Variants in MEF2A observed in about 807,000 individuals in gnomAD.
The protein encoded by MEF2A is myocyte enhancer factor 2A, also known as myocyte-specific enhancer factor 2A.
Under a neutral mutation model 55.8 loss-of-function variants are expected in MEF2A, and 28 were observed. The observed-to-expected ratio is 0.50, with a 90% CI of 0.37 to 0.69. The LOEUF is 0.69. Ranked by LOEUF, MEF2A falls within the 30% of genes least tolerant of loss-of-function variation. MEF2A has a pLI of 0.00. For missense variants in MEF2A, 528 were observed against 626.2 expected (o/e 0.84, Z 1.67); for synonymous variants, 239 against 227.1 (o/e 1.05, Z -0.47).
At chr15:99,702,111 C>G (rs564770176) in intron 8 of MEF2A, among the ~76,000 whole-genome samples, 3 of 152,298 alleles carry the variant, frequency 2.0e-5, no homozygotes, top group South Asian at 2.1e-4. Context: ...TTGGTGTGTA[C>G]CTTGTGTTTG....
chr15:99,706,891 G>A (rs929035957), intron 10 of MEF2A, 36 bp downstream of exon 10: 20 of 1,594,386 alleles, frequency 1.3e-5, no homozygotes, highest in Non-Finnish European at 1.5e-5. Context: ...AGGTTTTACC[G>A]CTCTCTGTTT....
In MEF2A at chr15:99,712,292, T is replaced by C; in HGVS notation, c.1137-98T>C. The C allele has an allele frequency of 6.9e-7, 1 of 1,439,324 alleles. No individual in the cohort carries two copies. Among genetic ancestry groups the C allele is most frequent in the Non-Finnish European group, 9.1e-7 (1 of 1,098,498 alleles). The allele number at this position is 1,439,324 out of a possible 1,614,324, so 89.2% of individuals were successfully genotyped here. On this transcript the variant is annotated intron_variant, in intron 11 of 11. Coordinates refer to ENST00000557942, the MANE Select transcript of MEF2A (RefSeq NM_001319206.4). This position sits in a 1 kb window ranked among gnomAD's most constrained non-coding sequence, Gnocchi z 4.1. ...GGGGAACTCTGATAAGATTTCAGAC[T>C]CTGGGCCCTTTTCCATCAGGCAGTG...
chr15:99,681,929 C>T (rs1364319085), intron 7 of MEF2A: 2 of 152,164 alleles, frequency 1.3e-5, no homozygotes, highest in Non-Finnish European at 1.5e-5. Flanking sequence ...GTACAAATGA[C>T]ATAATTTTAT....
At chr15:99,670,549 G>A (rs1282940276) in intron 4 of MEF2A, among the ~76,000 whole-genome samples, 2 of 152,112 alleles carry the variant, frequency 1.3e-5, no homozygotes, top group Non-Finnish European at 2.9e-5. Flanking sequence ...GGCGGAGCTT[G>A]CAGTGAGCCA....
At chr15:99,710,471 G>T (rs62042273) in intron 10 of MEF2A, among the ~76,000 whole-genome samples, 163 bp from the exon 11 acceptor site, 1 of 152,192 alleles carries the variant, frequency 6.6e-6, no homozygotes, top group Non-Finnish European at 1.5e-5. Context: ...TCAAACTCCT[G>T]ACCTCAAGTG....
chr15:99,627,328 G>A (rs1476397209), intron 2 of MEF2A, among the ~76,000 whole-genome samples: 1 of 144,516 alleles, frequency 6.9e-6, no homozygotes, highest in Non-Finnish European at 1.5e-5. Flanking sequence ...GCTGAGGCAG[G>A]AGAATCACTT....
At chr15:99,677,694 CA>C (rs1331041118) in intron 7 of MEF2A, among the ~76,000 whole-genome samples, 1 of 152,042 alleles carries the variant, frequency 6.6e-6, no homozygotes, top group Non-Finnish European at 1.5e-5. Context: ...CTAACAACAA[CA>C]AAAAAGCCAC....
At chr15:99,675,570 C>G (rs1365472497) in intron 7 of MEF2A, 112 bp downstream of exon 7, 6 of 835,952 alleles carry the variant, frequency 7.2e-6, no homozygotes, top group East Asian at 5.0e-5. Flanking sequence ...AGGGTACTTT[C>G]ACTAATACAT....
At chr15:99,695,859 CAAAA>C (rs55908002) in intron 8 of MEF2A, among the ~76,000 whole-genome samples, 4 of 135,304 alleles carry the variant, frequency 3.0e-5, no homozygotes, top group Non-Finnish European at 1.5e-5. Flanking sequence ...AACTCCGTCT[CAAAA>C]AAAAAAAAAA....
chr15:99,694,917 G>C (rs530027964), intron 8 of MEF2A, among the ~76,000 whole-genome samples: 174 of 150,984 alleles, frequency 1.2e-3, no homozygotes, highest in African/African-American at 4.1e-3. Flanking sequence ...CTTTGTTCTA[G>C]CTTCAGCTTT....
At chr15:99,678,421 C>T (rs1597092443) in intron 7 of MEF2A, among the ~76,000 whole-genome samples, 5 of 152,118 alleles carry the variant, frequency 3.3e-5, no homozygotes, top group South Asian at 4.1e-4. Flanking sequence ...GTTTTAAATA[C>T]GTTTTATCTG....
intron 3 of MEF2A, among the ~76,000 whole-genome samples, chr15:99,635,929 G>A (rs1393517091): frequency 6.6e-6 from 1 of 152,152 alleles, no homozygotes; most frequent in Non-Finnish European, 1.5e-5. Flanking sequence ...TGGGTAAATA[G>A]GAGTGCGGTT....
intron 2 of MEF2A, among the ~76,000 whole-genome samples, chr15:99,622,378 A>G (rs917548266): frequency 2.0e-5 from 3 of 152,250 alleles, no homozygotes; most frequent in African/African-American, 7.2e-5. Flanking sequence ...GGTAGATTTT[A>G]AATGTTGCCA....
chr15:99,679,497 C>T (rs1381868507), intron 7 of MEF2A, among the ~76,000 whole-genome samples: 1 of 152,094 alleles, frequency 6.6e-6, no homozygotes, highest in African/African-American at 2.4e-5. Context: ...GTTTGAAAAG[C>T]AGGCCAAAAA....
intron 1 of MEF2A, among the ~76,000 whole-genome samples, chr15:99,571,568 G>A (rs1053719462): frequency 6.6e-6 from 1 of 152,076 alleles, no homozygotes; most frequent in African/African-American, 2.4e-5. Flanking sequence ...AGCTATTAGC[G>A]CTAATCTGAA....
At chr15:99,569,390 A>G (rs1390255425) in intron 1 of MEF2A, among the ~76,000 whole-genome samples, 1 of 152,230 alleles carries the variant, frequency 6.6e-6, no homozygotes, top group Non-Finnish European at 1.5e-5. Context: ...TTTGTGACCA[A>G]AAGGATTTCG....
chr15:99,592,139 T>G (rs931273752), intron 1 of MEF2A, among the ~76,000 whole-genome samples: 1 of 152,132 alleles, frequency 6.6e-6, no homozygotes, highest in Admixed American at 6.6e-5. Flanking sequence ...TTGAGCTTGC[T>G]TTTACACTTT....
chr15:99,605,985 A>G (rs1433752970), intron 2 of MEF2A, among the ~76,000 whole-genome samples: 2 of 152,206 alleles, frequency 1.3e-5, no homozygotes, highest in African/African-American at 2.4e-5. Context: ...AGTAGTCTTG[A>G]AAGAAGATCA....
At chr15:99,585,305 CT>C (rs1966865489) in intron 1 of MEF2A, among the ~76,000 whole-genome samples, 1 of 152,050 alleles carries the variant, frequency 6.6e-6, no homozygotes, top group African/African-American at 2.4e-5. Context: ...TGTCATTTTT[CT>C]TTTTTACCTC....
Sources: allele counts gnomAD v4.1 joint callset (sites outside exome capture counted in the v4.1 genomes callset), GRCh38; gene constraint gnomAD v4.1.1; non-coding constraint Gnocchi (gnomAD v3.1); transcripts MANE v1.5; gene names NCBI Gene and HGNC (gene_info 2026-07-23, HGNC 2026-07-21).